The following LPGAT1 variants were observed in gnomAD, a reference collection of about 807,000 sequenced individuals.
LPGAT1 encodes the protein lysophosphatidylglycerol acyltransferase 1, also known as acyl-CoA:lysophosphatidylglycerol acyltransferase 1.
LPGAT1 carries 11 observed loss-of-function variants against 47.5 expected under a neutral mutation model. The observed-to-expected ratio is 0.23, with a 90% CI of 0.15 to 0.38. The LOEUF is 0.38. Ranked by LOEUF, LPGAT1 falls within the 10% of genes least tolerant of loss-of-function variation. The pLI is 1.00. For missense variants in LPGAT1, 293 were observed against 439.0 expected, an observed-to-expected ratio of 0.67 and a Z score of 2.97; for synonymous variants, 138 against 144.2, an observed-to-expected ratio of 0.96 and a Z score of 0.31.
At chr1:211,759,084 G>T (rs1227017625) in intron 6 of LPGAT1, among the ~76,000 whole-genome samples, 3 of 152,050 alleles carry the variant, frequency 2.0e-5, no homozygotes, top group African/African-American at 4.8e-5. Flanking sequence ...AATATATATT[G>T]CTGGGTTTTA....
intron 6 of LPGAT1, among the ~76,000 whole-genome samples, chr1:211,752,368 C>T (rs1218667546): frequency 6.6e-6 from 1 of 151,814 alleles, no homozygotes; most frequent in Non-Finnish European, 1.5e-5. Flanking sequence ...TTGGAATCCC[C>T]AAAACACTTT....
chr1:211,774,421 G>C (rs1658307806), intron 6 of LPGAT1, among the ~76,000 whole-genome samples: 1 of 152,018 alleles, frequency 6.6e-6, no homozygotes, highest in African/African-American at 2.4e-5. Flanking sequence ...CAGCCTGAAA[G>C]ACTCTTTTAC....
chr1:211,799,622 G>A (rs1659490115), intron 2 of LPGAT1, among the ~76,000 whole-genome samples: 1 of 152,152 alleles, frequency 6.6e-6, no homozygotes. Context: ...GGAATAGGGT[G>A]GACAAGCCAA....
At chr1:211,754,769 A>C (rs1657366088) in intron 6 of LPGAT1, among the ~76,000 whole-genome samples, 1 of 152,138 alleles carries the variant, frequency 6.6e-6, no homozygotes, top group Non-Finnish European at 1.5e-5. Flanking sequence ...TAATTCCAGC[A>C]CTTTGGGAGG....
rs1558289309 is a variant in LPGAT1 at position 211,830,258 on chromosome 1, C to T, written c.-28+315G>A. The stretch of plus-strand genomic sequence containing the variant: ...CCCGCCGAGGGGTCGCGGTCATGGA[C>T]GCGGTGGCGGCCCAAGCGGCCCGAG... On this transcript the variant is annotated intron_variant, in intron 1 of 7. Coordinates refer to ENST00000366997, the MANE Select transcript of LPGAT1 (RefSeq NM_014873.3). The surrounding 1 kb of genome is among the most constrained non-coding windows in gnomAD (Gnocchi z 5.9). The T allele has an allele frequency of 2.0e-6, 2 of 998,718 alleles. No individual in the cohort carries two copies. The highest frequency in any genetic ancestry group is 1.2e-6 in the Non-Finnish European group (1 of 839,386). 61.9% of individuals were successfully genotyped at this position (998,718 alleles called of 1,614,324 possible).
chr1:211,801,284 G>A (rs745758392), intron 2 of LPGAT1, among the ~76,000 whole-genome samples: 18 of 152,148 alleles, frequency 1.2e-4, no homozygotes, highest in African/African-American at 3.1e-4. Context: ...ACAACAAACC[G>A]TACTAAAATA....
Position 211,783,701 on chromosome 1 carries a change from C to T in LPGAT1, c.454-199G>A, listed in dbSNP as rs1478859593. 5.9e-5 allele frequency among the ~76,000 whole-genome samples: 9 copies of T among 152,252 alleles called. No individual in the cohort carries two copies. In the East Asian group the frequency reaches 1.7e-3, roughly 29 times the overall value. ...GTTATTAGCATTTATATAAATAAAC[C>T]TTTCTTTCTGAAGGAAAAGGAAATT... On this transcript the variant is annotated intron_variant, in intron 4 of 7. Transcript: ENST00000366997.
chr1:211,786,523 T>C (rs1213990629), intron 4 of LPGAT1, among the ~76,000 whole-genome samples: 4 of 152,216 alleles, frequency 2.6e-5, no homozygotes, highest in African/African-American at 9.6e-5. Context: ...ATAATACTAG[T>C]AACAAGTCAA....
At chr1:211,770,698 T>C (rs1020538448) in intron 6 of LPGAT1, among the ~76,000 whole-genome samples, 1 of 152,212 alleles carries the variant, frequency 6.6e-6, no homozygotes, top group Non-Finnish European at 1.5e-5. Context: ...TACAGTAGTA[T>C]AGGGTAATAT....
intron 2 of LPGAT1, among the ~76,000 whole-genome samples, chr1:211,810,949 G>A (rs562128274): frequency 6.6e-6 from 1 of 152,318 alleles, no homozygotes; most frequent in South Asian, 2.1e-4. Flanking sequence ...CACCACACAG[G>A]TGACAACAGA....
At position 211,797,082 on chromosome 1, in the gene LPGAT1, C is replaced by A. The variant is rs575532335; in HGVS notation, c.239-3892G>T. Among the ~76,000 whole-genome samples the A allele has an allele frequency of 2.0e-5, 3 of 152,054 alleles. No homozygotes were observed. In the East Asian group the frequency reaches 5.8e-4, roughly 29 times the overall value. ...ACCAGCCTGGCCAACATGGTGAAAC[C>A]CTGTCTCTTCTAAAAATTACAAAAA... On this transcript the variant is annotated intron_variant, in intron 2 of 7. Coordinates refer to ENST00000366997, the MANE Select transcript of LPGAT1 (RefSeq NM_014873.3).
intron 6 of LPGAT1, among the ~76,000 whole-genome samples, chr1:211,753,995 G>T (rs1439569074): frequency 6.6e-6 from 1 of 152,086 alleles, no homozygotes; most frequent in Non-Finnish European, 1.5e-5. Flanking sequence ...GAGAGTGAAG[G>T]CCCGATTGCT....
Position 211,749,871 on chromosome 1 carries a change from G to T in LPGAT1, c.*28C>A, listed in dbSNP as rs751401017. 6.2e-7 allele frequency: 1 copy of T among 1,609,770 alleles called. No homozygotes were observed. Among genetic ancestry groups the T allele is most frequent in the Admixed American group, 1.7e-5 (1 of 59,434 alleles). The stretch of plus-strand genomic sequence containing the variant: ...TATGAAAGAAAGTCTGAACTCCTAC[G>T]GTGACCTTGACAAGTCCACGTCAAT... On this transcript the variant is annotated 3_prime_UTR_variant, in exon 8 of 8. Transcript: ENST00000366997.
intron 2 of LPGAT1, among the ~76,000 whole-genome samples, chr1:211,815,305 C>G (rs1660132022): frequency 6.6e-6 from 1 of 152,160 alleles, no homozygotes; most frequent in Admixed American, 6.5e-5. Context: ...ATCTACCCAG[C>G]AGCTCACACC....
chr1:211,755,197 G>A (rs184075052), intron 6 of LPGAT1, among the ~76,000 whole-genome samples: 278 of 152,076 alleles, frequency 1.8e-3, no homozygotes, highest in Admixed American at 3.9e-3. Context: ...AATTAGCCAG[G>A]TGTGGCAGCA....
intron 2 of LPGAT1, among the ~76,000 whole-genome samples, chr1:211,819,143 A>T (rs996041414): frequency 6.6e-6 from 1 of 152,256 alleles, no homozygotes; most frequent in Non-Finnish European, 1.5e-5. Flanking sequence ...GATAGCAACA[A>T]GGAGAAAAAA....
Position 211,830,666 on chromosome 1 carries a change from C to CG in LPGAT1, c.-122dup, listed in dbSNP as rs945220292. 2.5e-6 allele frequency: 3 copies of CG among 1,198,422 alleles called. No individual in the cohort carries two copies. In the African/African-American group the frequency reaches 4.8e-5, roughly 19 times the overall value. 74.2% of individuals were successfully genotyped at this position (1,198,422 alleles called of 1,614,324 possible). A position where few individuals can be genotyped will look rare whatever the true frequency, so the allele number is the denominator to read the frequency against. ...CGGGGCCGGCGGAAGAAGGCGGTGGCGGGGCCCTGCCCCGCTCCGGCTGTG... is the reference window on the plus strand; with the variant it reads ...CGGGGCCGGCGGAAGAAGGCGGTGGCGGGGGCCCTGCCCCGCTCCGGCTGTG... On this transcript the variant is annotated 5_prime_UTR_variant, in exon 1 of 8. Transcript: ENST00000366997. This position sits in a 1 kb window ranked among gnomAD's most constrained non-coding sequence, Gnocchi z 5.9.
rs67342051 is a variant in LPGAT1, at chr1:211,774,132, C to CTTTTTTTTTTTTTTTTTTTTTTTTTT, written c.854+4785_854+4786insAAAAAAAAAAAAAAAAAAAAAAAAAA. On this transcript the variant is annotated intron_variant, in intron 6 of 7. Coordinates refer to ENST00000366997, the MANE Select transcript of LPGAT1 (RefSeq NM_014873.3). The stretch of plus-strand genomic sequence containing the variant: ...AAAGTGCTTTGTGTTTTTTAAAAGT[C>CTTTTTTTTTTTTTTTTTTTTTTTTTT]TTTTTTTTTTTTTTTTTTTTGAGAC... Among the ~76,000 whole-genome samples the CTTTTTTTTTTTTTTTTTTTTTTTTTT allele has an allele frequency of 9.0e-5, 6 of 66,820 alleles. 1 individual carries two copies. The highest frequency in any genetic ancestry group is 1.2e-4 in the Non-Finnish European group (5 of 40,956). The allele number at this position is 66,820 out of a possible 152,430, so 43.8% of individuals were successfully genotyped here. A position where few individuals can be genotyped will look rare whatever the true frequency, so the allele number is the denominator to read the frequency against.
chr1:211,795,488 C>T (rs2102559862), intron 2 of LPGAT1, among the ~76,000 whole-genome samples: 1 of 152,284 alleles, frequency 6.6e-6, no homozygotes, highest in African/African-American at 2.4e-5. Context: ...CTGCCTCAGC[C>T]TCCCAAGTAG....
Sources: allele counts gnomAD v4.1 joint callset (sites outside exome capture counted in the v4.1 genomes callset), GRCh38; gene constraint gnomAD v4.1.1; non-coding constraint Gnocchi (gnomAD v3.1); transcripts MANE v1.5; gene names NCBI Gene and HGNC (gene_info 2026-07-23, HGNC 2026-07-21).